Variants in COX19 observed in about 807,000 individuals in gnomAD.
The protein encoded by COX19 is cytochrome c oxidase assembly factor COX19.
A neutral mutation model predicts 6.8 loss-of-function variants in COX19; 8 were observed. That is an observed-to-expected ratio of 1.18 (90% CI 0.69 to 2.12). COX19 has a LOEUF of 2.12. Ranked by LOEUF, COX19 falls within the 30% of genes most tolerant of loss-of-function variation. The probability of loss-of-function intolerance (pLI) is 0.00; values close to 1 mark genes in which losing one functional copy is unlikely to be tolerated. For missense variants in COX19, 131 were observed against 104.6 expected (o/e 1.25, Z -1.10); for synonymous variants, 51 against 38.0 (o/e 1.34, Z -1.26).
Position 975,481 on chromosome 7 carries a change from T to C in COX19, c.29A>G (p.Lys10Arg), listed in dbSNP as rs1212763347. The change falls in exon 1 of 3, where the codon AAG becomes AGG. Residue 10 changes from lysine (K) to arginine (R), a missense_variant. By Grantham distance (26) the Lys-to-Arg change is conservative. Transcript: ENST00000344111. Reference sequence around the variant, plus strand: ...GTCCGGGGGCCGCGGCTGGAAGCTCTTGGTCCCGAAATTCATGGCGGTCGA... The same window carrying C: ...GTCCGGGGGCCGCGGCTGGAAGCTCCTGGTCCCGAAATTCATGGCGGTCGA... MSTAMNFGTKSFQPRPPDKG... is the reference protein window; with the variant it reads MSTAMNFGTRSFQPRPPDKG... The C allele has an allele frequency of 1.2e-6, 2 of 1,603,292 alleles. No homozygotes were observed. Among genetic ancestry groups the C allele is most frequent in the Non-Finnish European group, 1.7e-6 (2 of 1,176,252 alleles).
rs575459758 is a variant in COX19 at position 975,538 on chromosome 7, T to C, written c.-29A>G. The C allele has an allele frequency of 1.6e-5, 25 of 1,581,084 alleles. No homozygotes were observed. In the South Asian group the frequency reaches 1.9e-4, roughly 12 times the overall value. On this transcript the variant is annotated 5_prime_UTR_variant, in exon 1 of 3. Transcript: ENST00000344111. ...GGCGACTCCGGAGTCTGCGAGCGCC[T>C]TGCGAGCGTACGCAGGGCGGCCGGC... is the stretch of plus-strand genomic sequence containing the variant.
Position 966,416 on chromosome 7 carries a change from A to G in COX19, c.*2962T>C, listed in dbSNP as rs1847555764. 1 of 152,312 alleles carries G rather than the reference A, an allele frequency of 6.6e-6. No individual in the cohort carries two copies. 9.4% of individuals were successfully genotyped at this position (152,312 alleles called of 1,614,324 possible). On this transcript the variant is annotated 3_prime_UTR_variant, in exon 3 of 3. Transcript: ENST00000344111. ...TGATCCTCCCACCTTGGCCTCCTAA[A>G]GTGCTGGGATTGCAGGCGTGAGCCG...
intron 2 of COX19, among the ~76,000 whole-genome samples, chr7:971,623 G>T (rs1352976532): frequency 2.0e-5 from 3 of 152,072 alleles, no homozygotes; most frequent in Non-Finnish European, 4.4e-5. Flanking sequence ...TGTAATCCCA[G>T]CACTTTGGGA....
chr7:968,715 C>G lies in COX19; in HGVS notation c.*663G>C, dbSNP rs902031613. 2.0e-5 allele frequency: 3 copies of G among 152,280 alleles called. No homozygotes were observed. Among genetic ancestry groups the G allele is most frequent in the Non-Finnish European group, 1.5e-5 (1 of 68,064 alleles). The allele number at this position is 152,280 out of a possible 1,614,324, so 9.4% of individuals were successfully genotyped here. ...CAGAAGACAGCTGGTGCGAGCCTAA[C>G]TGCAAATGGACTCAGGTTCTTTTTC... On this transcript the variant is annotated 3_prime_UTR_variant, in exon 3 of 3. Coordinates refer to ENST00000344111, the MANE Select transcript of COX19 (RefSeq NM_001031617.3).
chr7:969,743 C>T (rs930228562), intron 2 of COX19, among the ~76,000 whole-genome samples: 4 of 152,184 alleles, frequency 2.6e-5, no homozygotes, highest in Non-Finnish European at 5.9e-5. Context: ...GCACACAACA[C>T]TTCCCCACGT....
intron 2 of COX19, among the ~76,000 whole-genome samples, chr7:971,688 G>A (rs1362052966): frequency 2.0e-5 from 3 of 152,104 alleles, no homozygotes; most frequent in Admixed American, 1.3e-4. Flanking sequence ...TGGCTAACAC[G>A]GTGAAACCCC....
Position 969,393 on chromosome 7 carries a change from TG to T in COX19, c.257del (p.Ser86Ter). On this transcript the variant is annotated frameshift_variant, in exon 3 of 3. Transcript: ENST00000344111. LOFTEE classifies it high-confidence loss of function. ...TCATCAAAATTCATTTTTTTGCCTC[TG>T]ATTTTCCACTAGTCAAGTCTCCAAA... ...LGFGDLTSGK[S>X]EAKK The T allele has an allele frequency of 6.2e-7, 1 of 1,608,208 alleles. No homozygotes were observed. Among genetic ancestry groups the T allele is most frequent in the Non-Finnish European group, 8.5e-7 (1 of 1,174,678 alleles).
At chr7:974,054 G>A (rs984495994) in intron 1 of COX19, among the ~76,000 whole-genome samples, 1 of 151,660 alleles carries the variant, frequency 6.6e-6, no homozygotes, top group South Asian at 2.1e-4. Flanking sequence ...ATAATTAGCT[G>A]GGTGTGGTGT....
At chr7:971,738 G>T (rs910460662) in intron 2 of COX19, among the ~76,000 whole-genome samples, 6 of 152,180 alleles carry the variant, frequency 3.9e-5, no homozygotes, top group Non-Finnish European at 8.8e-5. Context: ...GGGCAAGGTG[G>T]CAGGCGCCTG....
intron 2 of COX19, among the ~76,000 whole-genome samples, chr7:971,351 C>G (rs1002918485): frequency 6.6e-6 from 1 of 152,004 alleles, no homozygotes; most frequent in Non-Finnish European, 1.5e-5. Context: ...CAGACACACA[C>G]GGAGGTTGGA....
In COX19 at chr7:966,951, A is replaced by G. The variant is rs926821137; in HGVS notation, c.*2427T>C. The G allele has an allele frequency of 1.3e-5, 2 of 152,056 alleles. No individual in the cohort carries two copies. Among genetic ancestry groups the G allele is most frequent in the Non-Finnish European group, 2.9e-5 (2 of 68,014 alleles). The allele number at this position is 152,056 out of a possible 1,614,324, so 9.4% of individuals were successfully genotyped here. ...CGGTGATGTGGTGCTTGGGTCCAAG[A>G]AGCTTTTATTTTACTTAAGAATGGC... On this transcript the variant is annotated 3_prime_UTR_variant, in exon 3 of 3. Transcript: ENST00000344111.
chr7:974,474 G>T (rs1847677006), intron 1 of COX19, among the ~76,000 whole-genome samples: 1 of 152,086 alleles, frequency 6.6e-6, no homozygotes, highest in Admixed American at 6.6e-5. Context: ...TCATAAACAT[G>T]CTGAAAACAA....
At chr7:975,175 G>T (rs980057458) in intron 1 of COX19, 31 of 420,726 alleles carry the variant, frequency 7.4e-5, no homozygotes, top group Non-Finnish European at 1.1e-4. Flanking sequence ...GGCGGAGCCG[G>T]AGACCCGGAA....
At position 966,720 on chromosome 7, in the gene COX19, T is replaced by A. The variant is rs1282187330; in HGVS notation, c.*2658A>T. 6.6e-6 allele frequency: 1 copy of A among 152,298 alleles called. No individual in the cohort carries two copies. The highest frequency in any genetic ancestry group is 1.5e-5 in the Non-Finnish European group (1 of 68,096). The allele number at this position is 152,298 out of a possible 1,614,324, so 9.4% of individuals were successfully genotyped here. A position where few individuals can be genotyped will look rare whatever the true frequency, so the allele number is the denominator to read the frequency against. On this transcript the variant is annotated 3_prime_UTR_variant, in exon 3 of 3. Coordinates refer to ENST00000344111, the MANE Select transcript of COX19 (RefSeq NM_001031617.3). ...CACAACAGTCCCCCTTACACACGGTTTCAGTTACCCATGGTCAGCCACAGT... is the reference window on the plus strand; with the variant it reads ...CACAACAGTCCCCCTTACACACGGTATCAGTTACCCATGGTCAGCCACAGT...
chr7:969,562 A>G (rs934441227), intron 2 of COX19, 106 bp from the exon 3 acceptor site: 2 of 762,296 alleles, frequency 2.6e-6, no homozygotes, highest in Non-Finnish European at 4.5e-6. Context: ...TGCCACCTCC[A>G]TCTATGTCCT....
Position 975,465 on chromosome 7 carries a change from C to A in COX19, c.45G>T (p.Arg15=). The change falls in exon 1 of 3, where the codon CGG becomes CGT. Residue 15 remains arginine (R), a synonymous_variant. Coordinates refer to ENST00000344111, the MANE Select transcript of COX19 (RefSeq NM_001031617.3). ...MNFGTKSFQP[R]PPDKGSFPLD... ...GCGGGAAGCTGCCCTTGTCCGGGGG[C>A]CGCGGCTGGAAGCTCTTGGTCCCGA... The A allele has an allele frequency of 6.2e-7, 1 of 1,601,842 alleles. No individual in the cohort carries two copies. Among genetic ancestry groups the A allele is most frequent in the Non-Finnish European group, 8.5e-7 (1 of 1,175,710 alleles).
At chr7:972,111 AG>A (rs1340803911) in intron 2 of COX19, among the ~76,000 whole-genome samples, 1 of 152,162 alleles carries the variant, frequency 6.6e-6, no homozygotes, top group Non-Finnish European at 1.5e-5. Context: ...AGCGCCATGG[AG>A]AAATTCTCAG....
intron 1 of COX19, 21 bp from the exon 2 acceptor site, chr7:973,313 G>A: frequency 3.8e-6 from 6 of 1,562,838 alleles, no homozygotes; most frequent in Non-Finnish European, 5.2e-6. Context: ...AAAGAAAACA[G>A]CATGTTCTTT....
At chr7:974,422 C>G (rs532257640) in intron 1 of COX19, among the ~76,000 whole-genome samples, 1 of 152,132 alleles carries the variant, frequency 6.6e-6, no homozygotes, top group South Asian at 2.1e-4. Flanking sequence ...AGAGTGAGAC[C>G]GTGTCTCAAA....
Sources: gnomAD v4.1 joint callset for allele counts (sites outside exome capture counted in the v4.1 genomes callset) on GRCh38, gnomAD v4.1.1 for gene constraint, MANE v1.5 for transcripts, NCBI Gene and HGNC (gene_info 2026-07-23, HGNC 2026-07-21) for gene names.